Variants in PDK3 observed in about 807,000 individuals in gnomAD.
PDK3 encodes pyruvate dehydrogenase kinase, isozyme 3.
A neutral mutation model predicts 32.0 loss-of-function variants in PDK3; 12 were observed. The observed-to-expected ratio is 0.37, with a 90% CI of 0.24 to 0.61. PDK3 has a LOEUF of 0.61. PDK3 is among the 20% of genes least tolerant of loss of function. The pLI, the probability that PDK3 is intolerant of heterozygous loss-of-function variation, is 0.65. For synonymous variants in PDK3, 122 were observed against 116.3 expected (o/e 1.05, Z -0.31); for missense variants, 188 against 316.9 (o/e 0.59, Z 3.09).
chrX:24,519,455 T>C (rs1922342481), intron 6 of PDK3, among the ~76,000 whole-genome samples: 1 of 104,718 alleles, frequency 9.5e-6, no homozygotes, highest in South Asian at 4.7e-4. Context: ...CTGCAGCCTC[T>C]GCCTTCCAGG....
At chrX:24,487,936 G>A (rs545457770) in intron 1 of PDK3, among the ~76,000 whole-genome samples, 1 of 104,820 alleles carries the variant, frequency 9.5e-6, no homozygotes, top group East Asian at 3.0e-4. Flanking sequence ...CCTAGGAGGC[G>A]GAGGTGGCAG....
intron 1 of PDK3, among the ~76,000 whole-genome samples, chrX:24,486,581 C>T (rs773578603): frequency 2.5e-4 from 28 of 111,278 alleles, no homozygotes; most frequent in Admixed American, 1.9e-3. Context: ...ATAAAGTGTG[C>T]GTGAAATCCC....
intron 7 of PDK3, among the ~76,000 whole-genome samples, chrX:24,526,690 C>T (rs1179729473): frequency 8.9e-6 from 1 of 111,827 alleles, no homozygotes; most frequent in Non-Finnish European, 1.9e-5. Context: ...TTGTTCCAGT[C>T]CTGAGAGATC....
downstream of PDK3, among the ~76,000 whole-genome samples, chrX:24,535,979 GAAGA>G (rs1468815028): frequency 1.9e-4 from 18 of 93,363 alleles, no homozygotes; most frequent in Non-Finnish European, 3.8e-4. Context: ...AGAAGGAAAG[GAAGA>G]AAGGAAGGAA....
chrX:24,516,944 C>T (rs1430805731), intron 5 of PDK3, among the ~76,000 whole-genome samples: 11 of 108,598 alleles, frequency 1.0e-4, no homozygotes, highest in African/African-American at 2.7e-4. Context: ...TACAGGCACC[C>T]GCCACCATGC....
chrX:24,537,574 T>C (rs1012731430), downstream of PDK3, among the ~76,000 whole-genome samples: 1 of 111,234 alleles, frequency 9.0e-6, no homozygotes, highest in Non-Finnish European at 1.9e-5. Flanking sequence ...TAAGTTCATA[T>C]TGATATTTTA....
intron 1 of PDK3, among the ~76,000 whole-genome samples, chrX:24,484,237 C>T (rs1921341121): frequency 9.0e-6 from 1 of 111,547 alleles, no homozygotes; most frequent in Non-Finnish European, 1.9e-5. Context: ...TGATCTCGAA[C>T]ATCTGAGCTC....
intron 5 of PDK3, among the ~76,000 whole-genome samples, chrX:24,515,167 A>G (rs768515256): frequency 8.0e-5 from 9 of 112,396 alleles, no homozygotes; most frequent in African/African-American, 2.9e-4. Flanking sequence ...CCCTCAAAAT[A>G]CTTTTGGCTA....
rs374470304 is a variant in PDK3 at position 24,492,639 on chromosome X, T to C, written c.107-2103T>C. On this transcript the variant is annotated intron_variant, in intron 1 of 10. Transcript: ENST00000379162. ...TAAACCCATCATAAAGTGAGAAGAT[T>C]AAACAATCAAAAAATCATAAGTTGA... Among the ~76,000 whole-genome samples the C allele has an allele frequency of 6.3e-5, 7 of 110,786 alleles. No homozygotes were observed. The East Asian group carries it at 1.7e-3, about 27-fold the overall frequency.
intron 4 of PDK3, among the ~76,000 whole-genome samples, chrX:24,504,080 A>G (rs1921925980): frequency 8.9e-6 from 1 of 111,986 alleles, no homozygotes; most frequent in Non-Finnish European, 1.9e-5. Flanking sequence ...CCTCCACACA[A>G]AAAACTTTTT....
At chrX:24,515,793 T>A in intron 5 of PDK3, among the ~76,000 whole-genome samples, 1 of 111,986 alleles carries the variant, frequency 8.9e-6, no homozygotes, top group Non-Finnish European at 1.9e-5. Flanking sequence ...CAATTCAAAA[T>A]TTTTAACTTT....
At chrX:24,521,619 T>C (rs1468330983) in intron 6 of PDK3, among the ~76,000 whole-genome samples, 1 of 111,614 alleles carries the variant, frequency 9.0e-6, no homozygotes, top group African/African-American at 3.3e-5. Flanking sequence ...ATTGCTCTTT[T>C]GCGTGAGTGG....
intron 1 of PDK3, among the ~76,000 whole-genome samples, chrX:24,471,792 A>G (rs923183969): frequency 8.9e-6 from 1 of 112,261 alleles, no homozygotes; most frequent in Non-Finnish European, 1.9e-5. Flanking sequence ...ACCCATTAGC[A>G]TTAGAGTGCT....
At chrX:24,495,019 T>G in intron 2 of PDK3, 136 bp downstream of exon 2, 1 of 499,373 alleles carries the variant, frequency 2.0e-6, no homozygotes, top group Middle Eastern at 3.5e-4. Context: ...GGGTTTTCCA[T>G]GCAATTAAAA....
exon 12 of PDK3, among the ~76,000 whole-genome samples, chrX:24,544,300 T>C (rs2148207940): frequency 9.0e-6 from 1 of 111,131 alleles, no homozygotes; most frequent in South Asian, 3.9e-4. Flanking sequence ...CCACTAGTCG[T>C]CATCCTAGCA....
At chrX:24,506,760 A>G (rs769549263) in intron 5 of PDK3, among the ~76,000 whole-genome samples, 1 of 104,852 alleles carries the variant, frequency 9.5e-6, no homozygotes, top group Non-Finnish European at 1.9e-5. Flanking sequence ...TTGTGCAACC[A>G]TCACCACAAT....
downstream of PDK3, chrX:24,539,061 A>G (rs6629876): frequency 0.027 from 17,233 of 643,188 alleles, 250 homozygotes; most frequent in Admixed American, 0.075. Context: ...GAAATACTCT[A>G]AAAGTCCTGG....
chrX:24,542,963 T>C (rs1239443049), exon 12 of PDK3, among the ~76,000 whole-genome samples: 3 of 112,369 alleles, frequency 2.7e-5, no homozygotes, highest in Non-Finnish European at 3.8e-5. Flanking sequence ...GGAGACAGGA[T>C]GTTATTGCTA....
At chrX:24,478,981 TG>T (rs1246117063) in intron 1 of PDK3, among the ~76,000 whole-genome samples, 1 of 112,434 alleles carries the variant, frequency 8.9e-6, no homozygotes, top group Non-Finnish European at 1.9e-5. Flanking sequence ...TGCCATGTGT[TG>T]CTGGCCAGAA....
Sources: gnomAD v4.1 joint callset for allele counts (sites outside exome capture counted in the v4.1 genomes callset) on GRCh38, gnomAD v4.1.1 for gene constraint, MANE v1.5 for transcripts, NCBI Gene and HGNC (gene_info 2026-07-23, HGNC 2026-07-21) for gene names.